Variants in FAT1 observed in about 807,000 individuals in gnomAD.
FAT1 encodes the protein protocadherin Fat 1.
Under a neutral mutation model 329.8 loss-of-function variants are expected in FAT1, and 171 were observed. That is an observed-to-expected ratio of 0.52 (90% confidence interval 0.46 to 0.59). FAT1 has a LOEUF of 0.59. Ranked by LOEUF, FAT1 falls within the 20% of genes least tolerant of loss-of-function variation. FAT1 has a pLI of 0.00. For synonymous variants in FAT1, 2,233 were observed against 2,228.6 expected (o/e 1.00, Z -0.06); for missense variants, 5,672 against 5,774.4 (o/e 0.98, Z 0.57).
intron 3 of FAT1, among the ~76,000 whole-genome samples, chr4:186,659,034 G>A (rs544384604): frequency 2.6e-5 from 4 of 152,202 alleles, no homozygotes; most frequent in Non-Finnish European, 5.9e-5. Context: ...CGATCGAACC[G>A]CACATACGAC....
chr4:186,716,736 G>A (rs1319716625), intron 1 of FAT1, among the ~76,000 whole-genome samples: 2 of 152,184 alleles, frequency 1.3e-5, no homozygotes, highest in Non-Finnish European at 2.9e-5. Flanking sequence ...CATTTTCAAA[G>A]CAGGATCATG....
At chr4:186,704,979 C>T (rs1316826259) in intron 2 of FAT1, among the ~76,000 whole-genome samples, 8 of 135,812 alleles carry the variant, frequency 5.9e-5, no homozygotes, top group Non-Finnish European at 9.1e-5. Flanking sequence ...TAGTCTGGCT[C>T]TGTTGCCCAG....
Position 186,628,428 on chromosome 4 carries a change from G to A in FAT1, c.4599+60C>T, listed in dbSNP as rs2304866. ...TTCCTTATAACTAATTAAAAATCACGCTCGAACACACAAAGGCCTCAGGAC... is the reference window on the plus strand; with the variant it reads ...TTCCTTATAACTAATTAAAAATCACACTCGAACACACAAAGGCCTCAGGAC... On this transcript the variant is annotated intron_variant, in intron 8 of 26. Coordinates refer to ENST00000441802, the MANE Select transcript of FAT1 (RefSeq NM_005245.4). The A allele has an allele frequency of 0.042, 67,232 of 1,609,784 alleles. 3,084 individuals are homozygous for A. Among genetic ancestry groups the A allele is most frequent in the Admixed American group, 0.2 (11,879 of 59,670 alleles).
intron 16 of FAT1, among the ~76,000 whole-genome samples, chr4:186,606,789 C>T (rs1388265574): frequency 6.6e-6 from 1 of 152,198 alleles, no homozygotes; most frequent in Admixed American, 6.5e-5. Flanking sequence ...AGTGAGATAG[C>T]TTCTTTTTCA....
chr4:186,688,275 GGCTTTGGCAATAATTTCCTTT>G, intron 2 of FAT1, among the ~76,000 whole-genome samples: 1 of 152,060 alleles, frequency 6.6e-6, no homozygotes, highest in East Asian at 1.9e-4. Context: ...CACCTTCGGT[GGCTTTGGCAATAATTTCCTTT>G]CATTATGTGT....
rs772422113 is a variant in FAT1 at position 186,707,218 on chromosome 4, A to G, written c.2610T>C (p.Ile870=). Reference sequence around the variant, plus strand: ...TGTTAACAACACCCGTCACGCTGTCAATTGAAAATGTGTCTGTGTCTGTAA... The same window carrying G: ...TGTTAACAACACCCGTCACGCTGTCGATTGAAAATGTGTCTGTGTCTGTAA... ...SIVTDTDTFS[I]DSVTGVVNIA... The change falls in exon 2 of 27, where the codon ATT becomes ATC. Residue 870 remains isoleucine (I), a synonymous_variant. Transcript: ENST00000441802. 4 of 1,613,792 alleles carry G rather than the reference A, an allele frequency of 2.5e-6. No homozygotes were observed. The highest frequency in any genetic ancestry group is 3.4e-6 in the Non-Finnish European group (4 of 1,179,882).
chr4:186,628,638 C>T lies in FAT1; in HGVS notation c.4449G>A (p.Gln1483=), dbSNP rs2126544700. ...TGTAGATTAGTTTGTTTTTCTCATC[C>T]TGATCCACAGCACTGATTTGCAAAA... ...TEILQISAVD[Q]DEKNKLIYTL... Residue 1483 remains glutamine, a synonymous_variant, in exon 8 of 27, where the codon CAG becomes CAA. Coordinates refer to ENST00000441802, the MANE Select transcript of FAT1 (RefSeq NM_005245.4). 1 of 1,613,066 alleles carries T rather than the reference C, an allele frequency of 6.2e-7. No individual in the cohort carries two copies. The highest frequency in any genetic ancestry group is 8.5e-7 in the Non-Finnish European group (1 of 1,179,568).
chr4:186,607,054 A>T (rs1394698340), intron 16 of FAT1, among the ~76,000 whole-genome samples: 6 of 152,238 alleles, frequency 3.9e-5, no homozygotes, highest in Non-Finnish European at 8.8e-5. Flanking sequence ...CAGTGGGGGC[A>T]ATCCTAAGCA....
intron 2 of FAT1, among the ~76,000 whole-genome samples, chr4:186,684,472 C>T (rs1179921239): frequency 6.6e-6 from 1 of 152,162 alleles, no homozygotes; most frequent in Non-Finnish European, 1.5e-5. Flanking sequence ...TGCTCCTCCC[C>T]GGGATGCACC....
chr4:186,682,969 G>A (rs1201645378), intron 2 of FAT1, among the ~76,000 whole-genome samples: 2 of 152,206 alleles, frequency 1.3e-5, no homozygotes, highest in Admixed American at 6.5e-5. Context: ...GGTCACTCCC[G>A]TGTAAGGGGC....
At position 186,588,813 on chromosome 4, in the gene FAT1, G is replaced by GGGTAA; in HGVS notation, c.13545_13546insTTACC (p.His4516LeufsTer47). On this transcript the variant is annotated frameshift_variant, in exon 27 of 27. Coordinates refer to ENST00000441802, the MANE Select transcript of FAT1 (RefSeq NM_005245.4). LOFTEE classifies it high-confidence loss of function. ...TGATACCCTGGCGGGTAAGGGGCATGGGGTTCTCTACAAGTACTATTCTCA... is the reference window on the plus strand; with the variant it reads ...TGATACCCTGGCGGGTAAGGGGCATGGGTAAGGGTTCTCTACAAGTACTATTCTCA... 1 of 1,614,018 alleles carries GGGTAA rather than the reference G, an allele frequency of 6.2e-7. No individual in the cohort carries two copies. Among genetic ancestry groups the GGGTAA allele is most frequent in the Non-Finnish European group, 8.5e-7 (1 of 1,179,904 alleles).
chr4:186,609,236 T>C lies in FAT1; in HGVS notation c.10153A>G (p.Ile3385Val), dbSNP rs200941677. 99 of 1,613,936 alleles carry C rather than the reference T, an allele frequency of 6.1e-5. No individual in the cohort carries two copies. Among genetic ancestry groups the C allele is most frequent in the Admixed American group, 2.5e-4 (15 of 60,010 alleles). The change falls in exon 16 of 27, where the codon ATT (isoleucine) becomes GTT (valine). Residue 3385 changes from isoleucine (I) to valine (V), a missense_variant. Physicochemically the swap from Ile to Val is conservative, Grantham distance 29. Transcript: ENST00000441802. The stretch of plus-strand genomic sequence containing the variant: ...TTGACTTCTCCCCTGACGGGGTCAA[T>C]TGTGAACGAGCTTCCTTGGTTGCCA... ...IDGNQGSSFT[I>V]DPVRGEVKVT... is the part of the protein sequence containing the mutation.
At chr4:186,691,564 G>T (rs755118906) in intron 2 of FAT1, among the ~76,000 whole-genome samples, 1 of 152,180 alleles carries the variant, frequency 6.6e-6, no homozygotes, top group Non-Finnish European at 1.5e-5. Context: ...GCTTTGGGAG[G>T]CCAAGGTAGT....
rs1738545365 is a variant in FAT1, at chr4:186,596,849, G to A, written c.12691C>T (p.Pro4231Ser). 6.2e-7 allele frequency: 1 copy of A among 1,613,960 alleles called. No individual in the cohort carries two copies. Among genetic ancestry groups the A allele is most frequent in the South Asian group, 1.1e-5 (1 of 91,076 alleles). ...TTATTTAGCTTGGAATCAAAATACGGTCTTTGCAAGAAAGCCGTAGCGGGT... is the reference window on the plus strand; with the variant it reads ...TTATTTAGCTTGGAATCAAAATACGATCTTTGCAAGAAAGCCGTAGCGGGT... ...LGPATAFLQR[P>S]YFDSKLNKNI... The change falls in exon 25 of 27, where the codon CCG (proline) becomes TCG (serine). Residue 4231 changes from proline to serine, a missense_variant. Physicochemically the swap from Pro to Ser is moderately conservative, Grantham distance 74. Coordinates refer to ENST00000441802, the MANE Select transcript of FAT1 (RefSeq NM_005245.4). This position sits in a 1 kb window ranked among gnomAD's most constrained non-coding sequence, Gnocchi z 4.7.
At chr4:186,709,894 A>T in intron 1 of FAT1, 49 bp from the exon 2 acceptor site, 21 of 1,467,306 alleles carry the variant, frequency 1.4e-5, no homozygotes, top group Non-Finnish European at 1.8e-5. Flanking sequence ...TAAAACAAGC[A>T]AAAGTGTGTA....
intron 1 of FAT1, among the ~76,000 whole-genome samples, chr4:186,714,363 C>T (rs976870262): frequency 3.9e-5 from 6 of 152,076 alleles, no homozygotes; most frequent in African/African-American, 1.4e-4. Flanking sequence ...GGCCAGGAAC[C>T]GAGAGGGAGA....
intron 9 of FAT1, 105 bp downstream of exon 9, chr4:186,628,049 G>C: frequency 1.7e-6 from 2 of 1,194,342 alleles, no homozygotes; most frequent in East Asian, 2.6e-5. Context: ...AGCCATTTTT[G>C]CAGATACATA....
chr4:186,652,949 G>A (rs1741735475), intron 3 of FAT1, among the ~76,000 whole-genome samples: 1 of 152,162 alleles, frequency 6.6e-6, no homozygotes, highest in Non-Finnish European at 1.5e-5. Flanking sequence ...TGCCCAGTCT[G>A]CAATCACAAA....
At chr4:186,658,264 T>C (rs1323432795) in intron 3 of FAT1, among the ~76,000 whole-genome samples, 3 of 152,168 alleles carry the variant, frequency 2.0e-5, no homozygotes, top group Non-Finnish European at 4.4e-5. Context: ...ATAATAAGAA[T>C]GTCTGAAATG....
Sources: gnomAD v4.1 joint callset for allele counts (sites outside exome capture counted in the v4.1 genomes callset) on GRCh38, gnomAD v4.1.1 for gene constraint, Gnocchi (gnomAD v3.1) non-coding constraint, MANE v1.5 for transcripts, NCBI Gene and HGNC (gene_info 2026-07-23, HGNC 2026-07-21) for gene names.